Variants in PRUNE2 observed in about 807,000 individuals in gnomAD.
PRUNE2 encodes protein prune homolog 2.
Under a neutral mutation model 252.0 loss-of-function variants are expected in PRUNE2, and 164 were observed. That is an observed-to-expected ratio of 0.65 (90% CI 0.57 to 0.74). PRUNE2 has a LOEUF of 0.74. Among genes scored for constraint, PRUNE2 ranks in the 30% least tolerant of loss-of-function variants. The pLI is 0.00. For missense variants in PRUNE2, 3,495 were observed against 3,711.0 expected (o/e 0.94, Z 1.51); for synonymous variants, 1,292 against 1,350.2 (o/e 0.96, Z 0.94).
At chr9:76,636,969 A>G (rs911121631) in intron 14 of PRUNE2, among the ~76,000 whole-genome samples, 42 of 39,884 alleles carry the variant, frequency 1.1e-3, no homozygotes, top group Non-Finnish European at 6.8e-4. Context: ...CGACAACAAC[A>G]AAAATGTGTG....
At chr9:76,730,982 C>T (rs927968998) in intron 6 of PRUNE2, among the ~76,000 whole-genome samples, 4 of 152,064 alleles carry the variant, frequency 2.6e-5, no homozygotes, top group East Asian at 1.9e-4. Flanking sequence ...TTGCAAAATG[C>T]GGAACCCAGA....
chr9:76,872,863 T>C (rs939785733), intron 1 of PRUNE2, among the ~76,000 whole-genome samples: 2 of 152,104 alleles, frequency 1.3e-5, no homozygotes, highest in Non-Finnish European at 2.9e-5. Flanking sequence ...TGGTGTCCTA[T>C]CCCCCAGTGC....
intron 6 of PRUNE2, among the ~76,000 whole-genome samples, chr9:76,799,341 CA>C (rs71354683): frequency 0.2 from 22,186 of 112,674 alleles, 1,773 homozygotes; most frequent in East Asian, 0.35. Context: ...AACTCTGTCT[CA>C]AAAAAAAAAA....
In PRUNE2 at chr9:76,857,987, T is replaced by C. The variant is rs141961660; in HGVS notation, c.37-3779A>G. The stretch of plus-strand genomic sequence containing the variant: ...CCTTCCTATCTCACATATCCACATA[T>C]TCAGAGACTCTCAGGTGCCCAATCT... On this transcript the variant is annotated intron_variant, in intron 1 of 18. Transcript: ENST00000376718. Among the ~76,000 whole-genome samples the C allele has an allele frequency of 7.0e-3, 1,072 of 152,266 alleles. 17 individuals carry two copies. The highest frequency in any genetic ancestry group is 0.037 in the Middle Eastern group (11 of 294).
chr9:76,870,282 T>C (rs2061108604), intron 1 of PRUNE2, among the ~76,000 whole-genome samples: 1 of 152,086 alleles, frequency 6.6e-6, no homozygotes, highest in South Asian at 2.1e-4. Context: ...CTAACTTTTT[T>C]TTTTTTTGCA....
intron 6 of PRUNE2, among the ~76,000 whole-genome samples, chr9:76,807,062 G>A (rs953967880): frequency 5.3e-5 from 8 of 151,166 alleles, no homozygotes; most frequent in South Asian, 2.1e-4. Flanking sequence ...GCGCGCGCGC[G>A]TGTGTCTGTC....
chr9:76,707,087 T>C lies in PRUNE2; in HGVS notation c.5187A>G (p.Thr1729=). Reference sequence around the variant, plus strand: ...AAATATTTTCAGACTTAGGATCAGCTGTGACCAAGAACTTATTAGATTCAT... The same window carrying C: ...AAATATTTTCAGACTTAGGATCAGCCGTGACCAAGAACTTATTAGATTCAT... The part of the protein sequence containing the change: ...SLNESNKFLV[T]ADPKSENIYD... Residue 1729 remains threonine (T), a synonymous_variant, in exon 8 of 19, where the codon ACA becomes ACG. Coordinates refer to ENST00000376718, the MANE Select transcript of PRUNE2 (RefSeq NM_015225.3). 3.7e-6 allele frequency: 6 copies of C among 1,614,006 alleles called. No homozygotes were observed. Among genetic ancestry groups the C allele is most frequent in the Non-Finnish European group, 5.1e-6 (6 of 1,179,878 alleles).
chr9:76,748,074 G>C (rs1005093516), intron 6 of PRUNE2, among the ~76,000 whole-genome samples: 1 of 152,048 alleles, frequency 6.6e-6, no homozygotes, highest in African/African-American at 2.4e-5. Context: ...GAGATTACAG[G>C]CGTGAGCCAA....
Position 76,614,352 on chromosome 9 carries a change from A to G in PRUNE2, c.*218T>C. 1.7e-6 allele frequency: 1 copy of G among 584,346 alleles called. No homozygotes were observed. 36.2% of individuals were successfully genotyped at this position (584,346 alleles called of 1,614,324 possible). ...TACTTTCTTGCTAAGGCTCAACTAA[A>G]ATCTTTGAGGCACATAATTGGCAAA... On this transcript the variant is annotated 3_prime_UTR_variant, in exon 19 of 19. Coordinates refer to ENST00000376718, the MANE Select transcript of PRUNE2 (RefSeq NM_015225.3).
At chr9:76,635,980 C>G (rs1254043431) in intron 15 of PRUNE2, among the ~76,000 whole-genome samples, 3 of 152,148 alleles carry the variant, frequency 2.0e-5, no homozygotes, top group Non-Finnish European at 4.4e-5. Flanking sequence ...CAAAACACAG[C>G]TCTCAAAATG....
intron 1 of PRUNE2, among the ~76,000 whole-genome samples, chr9:76,871,872 G>A (rs888686742): frequency 2.0e-5 from 3 of 152,120 alleles, no homozygotes; most frequent in African/African-American, 7.2e-5. Flanking sequence ...CAAGCAATCT[G>A]CCTGCCTCAG....
At chr9:76,763,455 C>T (rs1426776847) in intron 6 of PRUNE2, among the ~76,000 whole-genome samples, 1 of 152,208 alleles carries the variant, frequency 6.6e-6, no homozygotes, top group African/African-American at 2.4e-5. Context: ...GAATTAGACG[C>T]AACTACTCTC....
intron 4 of PRUNE2, among the ~76,000 whole-genome samples, chr9:76,839,059 AGTTT>A (rs546584545): frequency 9.7e-4 from 148 of 152,260 alleles, no homozygotes; most frequent in Non-Finnish European, 1.8e-3. Context: ...TAAAAATAGG[AGTTT>A]GTTTGTTTTT....
At chr9:76,684,258 T>C (rs1353826771) in intron 9 of PRUNE2, among the ~76,000 whole-genome samples, 1 of 152,300 alleles carries the variant, frequency 6.6e-6, no homozygotes, top group Admixed American at 6.5e-5. Context: ...CGCTTTCCAG[T>C]CTCTGGCAAC....
chr9:76,710,637 A>C lies in PRUNE2; in HGVS notation c.1637T>G (p.Met546Arg), dbSNP rs1348025825. Residue 546 changes from methionine to arginine, a missense_variant, in exon 8 of 19, where the codon ATG (methionine) becomes AGG (arginine). Coordinates refer to ENST00000376718, the MANE Select transcript of PRUNE2 (RefSeq NM_015225.3). Reference protein sequence around the residue: ...PEGLDGMGTNMSNYSSSSLLS... With the variant: ...PEGLDGMGTNRSNYSSSSLLS... ...AAGTGAACTGGATGAATAATTAGACATGTTGGTTCCCATGCCATCAAGTCC... is the reference window on the plus strand; with the variant it reads ...AAGTGAACTGGATGAATAATTAGACCTGTTGGTTCCCATGCCATCAAGTCC... 6.2e-7 allele frequency: 1 copy of C among 1,613,016 alleles called. No homozygotes were observed. The highest frequency in any genetic ancestry group is 1.7e-5 in the Admixed American group (1 of 59,896).
rs146357278 is a variant in PRUNE2, at chr9:76,873,763, C to T, written c.37-19555G>A. 4.6e-3 allele frequency among the ~76,000 whole-genome samples: 697 copies of T among 152,268 alleles called. 2 individuals carry two copies. The highest frequency in any genetic ancestry group is 0.016 in the African/African-American group (645 of 41,564). On this transcript the variant is annotated intron_variant, in intron 1 of 18. Transcript: ENST00000376718. Reference sequence around the variant, plus strand: ...GGACGGGCTACCCGATACACAATATCGATGGCATTTAACACTTGGTAGGCA... The same window carrying T: ...GGACGGGCTACCCGATACACAATATTGATGGCATTTAACACTTGGTAGGCA...
At chr9:76,841,397 G>A (rs759276557) in intron 4 of PRUNE2, among the ~76,000 whole-genome samples, 1 of 152,224 alleles carries the variant, frequency 6.6e-6, no homozygotes, top group Non-Finnish European at 1.5e-5. Flanking sequence ...GGCCATTTGG[G>A]CAGACACTGA....
chr9:76,857,446 A>T lies in PRUNE2; in HGVS notation c.37-3238T>A, dbSNP rs149717680. Among the ~76,000 whole-genome samples the T allele has an allele frequency of 1.5e-3, 224 of 152,306 alleles. 1 individual carries two copies. The highest frequency in any genetic ancestry group is 5.2e-3 in the African/African-American group (215 of 41,580). On this transcript the variant is annotated intron_variant, in intron 1 of 18. Coordinates refer to ENST00000376718, the MANE Select transcript of PRUNE2 (RefSeq NM_015225.3). ...CAGCTTAGAATGGTGGACCAGACAG[A>T]AAGGGACAGCCCAACCAGAAGGTAC...
In PRUNE2 at chr9:76,709,216, G is replaced by A. The variant is rs1277206188; in HGVS notation, c.3058C>T (p.Arg1020Ter). Residue 1020 changes from arginine to a stop codon, truncating the protein, a stop_gained, in exon 8 of 19, where the codon CGA (arginine) becomes TGA (stop). Transcript: ENST00000376718. LOFTEE classifies it high-confidence loss of function. Reference protein sequence around the residue: ...IPPQSLQQSSRNRISSGPGNL... With the variant: ...IPPQSLQQSS ...CCAGGACCTGAACTGATTCGATTTCGAGATGACTGTTGCAGTGACTGAGGA... is the reference window on the plus strand; with the variant it reads ...CCAGGACCTGAACTGATTCGATTTCAAGATGACTGTTGCAGTGACTGAGGA... 3.7e-6 allele frequency: 6 copies of A among 1,613,716 alleles called. No homozygotes were observed. Among genetic ancestry groups the A allele is most frequent in the African/African-American group, 1.3e-5 (1 of 74,920 alleles).
Sources: gnomAD v4.1 joint callset for allele counts (sites outside exome capture counted in the v4.1 genomes callset) on GRCh38, gnomAD v4.1.1 for gene constraint, MANE v1.5 for transcripts, NCBI Gene and HGNC (gene_info 2026-07-23, HGNC 2026-07-21) for gene names.